The following CR1 variants were observed in gnomAD, a reference collection of about 807,000 sequenced individuals.
CR1 encodes the protein complement receptor type 1.
Under a neutral mutation model 187.3 loss-of-function variants are expected in CR1, and 116 were observed. The ratio of observed to expected loss-of-function variants is 0.62; its 90% confidence interval spans 0.53 to 0.72. The LOEUF is 0.72. CR1 is among the 30% of genes least tolerant of loss of function. The pLI is 0.00. For synonymous variants in CR1, 576 were observed against 747.1 expected (o/e 0.77, Z 3.73); for missense variants, 1,731 against 2,110.7 (o/e 0.82, Z 3.52).
At chr1:207,512,441 T>C (rs4266886) in intron 4 of CR1, among the ~76,000 whole-genome samples, 128,220 of 152,238 alleles carry the variant, frequency 0.84, 54,516 homozygotes, top group African/African-American at 0.94. Context: ...ATCAGATGAA[T>C]GGCATATATG....
intron 4 of CR1, among the ~76,000 whole-genome samples, chr1:207,517,786 G>A (rs1376257512): frequency 6.6e-6 from 1 of 152,084 alleles, no homozygotes; most frequent in African/African-American, 2.4e-5. Flanking sequence ...GCATAATGCT[G>A]TTTATTATAG....
At chr1:207,575,447 A>G (rs1309113082) in intron 27 of CR1, 148 bp from the exon 28 acceptor site, 1 of 973,356 alleles carries the variant, frequency 1.0e-6, no homozygotes, top group East Asian at 2.4e-5. Flanking sequence ...AAGAAAAAGA[A>G]ATAGAAGAGC....
chr1:207,578,353 G>A (rs1660833722), intron 29 of CR1, 150 bp downstream of exon 29: 1 of 1,493,548 alleles, frequency 6.7e-7, no homozygotes, highest in African/African-American at 1.4e-5. Context: ...AAGAATTGGG[G>A]GTGTGCATGC....
rs139725732 is a variant in CR1, at chr1:207,626,398, A to G, written c.7352+3330A>G. ...ACCTCCTTGAGTGGGTGTGGCCAAT[A>G]AGCTAAGTCATTGTGGCTATGTGAG... On this transcript the variant is annotated intron_variant, in intron 45 of 46. Transcript: ENST00000367049. Among the ~76,000 whole-genome samples, 1,180 of 152,300 alleles carry G rather than the reference A, an allele frequency of 7.7e-3. 10 individuals carry two copies. Among genetic ancestry groups the G allele is most frequent in the Middle Eastern group, 0.014 (4 of 294 alleles).
At chr1:207,591,012 T>C (rs1404662037) in intron 35 of CR1, among the ~76,000 whole-genome samples, 1 of 152,116 alleles carries the variant, frequency 6.6e-6, no homozygotes, top group Admixed American at 6.5e-5. Context: ...TGGGAGACTT[T>C]AACACCCCAC....
chr1:207,575,713 C>T (rs375235645), intron 28 of CR1, 33 bp downstream of exon 28: 3 of 1,611,582 alleles, frequency 1.9e-6, no homozygotes, highest in Admixed American at 1.7e-5. Context: ...ATTCACCCCA[C>T]CATTGAATCC....
chr1:207,600,205 T>C (rs1041153582), intron 35 of CR1, among the ~76,000 whole-genome samples: 1 of 152,164 alleles, frequency 6.6e-6, no homozygotes, highest in Non-Finnish European at 1.5e-5. Context: ...TCCGGTTAGA[T>C]GAAGGGATTG....
chr1:207,580,282 C>T lies in CR1; in HGVS notation c.4979C>T (p.Pro1660Leu), dbSNP rs771937604. 3 of 1,613,846 alleles carry T rather than the reference C, an allele frequency of 1.9e-6. No individual in the cohort carries two copies. In the East Asian group the frequency reaches 6.7e-5, roughly 36 times the overall value. The change falls in exon 30 of 47, where the codon CCA becomes CTA. Residue 1660 changes from proline (P) to leucine (L), a missense_variant. Physicochemically the swap from Pro to Leu is moderately conservative, Grantham distance 98 (BLOSUM62 -3). Transcript: ENST00000367049. Reference sequence around the variant, plus strand: ...GAAATCCTGCATGGTGAGCATACCCCAAGCCATCAGGACAACTTTTCACCT... The same window carrying T: ...GAAATCCTGCATGGTGAGCATACCCTAAGCCATCAGGACAACTTTTCACCT... ...PPEILHGEHT[P>L]SHQDNFSPGQ...
chr1:207,519,741 G>C (rs1273917374), intron 4 of CR1, among the ~76,000 whole-genome samples: 2 of 152,212 alleles, frequency 1.3e-5, no homozygotes, highest in Non-Finnish European at 2.9e-5. Context: ...CTCCAGCCCA[G>C]CTGCAATGGG....
chr1:207,636,466 C>T (rs1662816911), intron 46 of CR1, among the ~76,000 whole-genome samples: 7 of 152,136 alleles, frequency 4.6e-5, no homozygotes. Flanking sequence ...TGAGATATTC[C>T]AGTCACACTG....
At chr1:207,617,169 G>A (rs931409868) in intron 41 of CR1, among the ~76,000 whole-genome samples, 1 of 152,048 alleles carries the variant, frequency 6.6e-6, no homozygotes, top group African/African-American at 2.4e-5. Context: ...TTATCCTGGA[G>A]AGATGGATGT....
intron 35 of CR1, among the ~76,000 whole-genome samples, chr1:207,596,049 A>C (rs1327657057): frequency 7.6e-6 from 1 of 131,798 alleles, no homozygotes; most frequent in Non-Finnish European, 1.6e-5. Flanking sequence ...CTATATATCT[A>C]TATCTATATA....
rs764234206 is a variant in CR1 at position 207,580,334 on chromosome 1, G to A, written c.5031G>A (p.Glu1677=). Residue 1677 remains glutamate (E), a synonymous_variant, in exon 30 of 47, where the codon GAG becomes GAA. Transcript: ENST00000367049. ...SPGQEVFYSC[E]PGYDLRGAAS... The stretch of plus-strand genomic sequence containing the variant: ...GGCAGGAAGTGTTCTACAGCTGTGA[G>A]CCTGGCTATGACCTCAGAGGGGCTG... 5.6e-6 allele frequency: 9 copies of A among 1,613,906 alleles called. No individual in the cohort carries two copies. Among genetic ancestry groups the A allele is most frequent in the Middle Eastern group, 1.6e-4 (1 of 6,062 alleles).
At position 207,580,182 on chromosome 1, in the gene CR1, G is replaced by A. The variant is rs1330750268; in HGVS notation, c.4937-58G>A. The A allele has an allele frequency of 5.0e-6, 8 of 1,590,830 alleles. No individual in the cohort carries two copies. In the African/African-American group the frequency reaches 9.4e-5, roughly 19 times the overall value. On this transcript the variant is annotated intron_variant, in intron 29 of 46. Transcript: ENST00000367049. Reference sequence around the variant, plus strand: ...CCTCTGACTAGCTATGAGGTCTTCAGGAAGCATAGGAAATTCCCCCATAAC... The same window carrying A: ...CCTCTGACTAGCTATGAGGTCTTCAAGAAGCATAGGAAATTCCCCCATAAC...
At chr1:207,611,012 A>G (rs1461889247) in intron 37 of CR1, among the ~76,000 whole-genome samples, 2 of 152,124 alleles carry the variant, frequency 1.3e-5, no homozygotes, top group African/African-American at 4.8e-5. Context: ...CATGCTATCA[A>G]ATACTACATC....
At chr1:207,637,270 C>T (rs1057057668) in intron 46 of CR1, among the ~76,000 whole-genome samples, 1 of 152,190 alleles carries the variant, frequency 6.6e-6, no homozygotes, top group Non-Finnish European at 1.5e-5. Context: ...CACTTGTGCA[C>T]TGGGACACGA....
At chr1:207,616,060 T>G (rs973997760) in intron 40 of CR1, among the ~76,000 whole-genome samples, 2 of 152,196 alleles carry the variant, frequency 1.3e-5, no homozygotes, top group Non-Finnish European at 2.9e-5. Context: ...AAAAACAGCC[T>G]TACTGGTGTC....
At chr1:207,596,339 C>T (rs947200702) in intron 35 of CR1, among the ~76,000 whole-genome samples, 14 of 152,096 alleles carry the variant, frequency 9.2e-5, no homozygotes, top group Admixed American at 1.3e-4. Context: ...AGTGGCCGGG[C>T]GCTGTGGCTC....
intron 4 of CR1, among the ~76,000 whole-genome samples, chr1:207,523,178 C>T (rs1224379897): frequency 1.3e-5 from 2 of 151,916 alleles, no homozygotes; most frequent in African/African-American, 4.8e-5. Context: ...ATTCTTTTTC[C>T]TACTGTGTAT....
Sources: allele counts gnomAD v4.1 joint callset (sites outside exome capture counted in the v4.1 genomes callset), GRCh38; gene constraint gnomAD v4.1.1; transcripts MANE v1.5; gene names NCBI Gene and HGNC (gene_info 2026-07-23, HGNC 2026-07-21).